The following TNFRSF8 variants were observed in gnomAD, a reference collection of about 807,000 sequenced individuals.
The protein encoded by TNFRSF8 is tumor necrosis factor receptor superfamily member 8.
TNFRSF8 carries 26 observed loss-of-function variants against 70.8 expected under a neutral mutation model. The ratio of observed to expected loss-of-function variants is 0.37; its 90% CI spans 0.27 to 0.51. TNFRSF8 has a LOEUF of 0.51. Ranked by LOEUF, TNFRSF8 falls within the 20% of genes least tolerant of loss-of-function variation. TNFRSF8 has a pLI of 0.94. For synonymous variants in TNFRSF8, 356 were observed against 339.2 expected (o/e 1.05, Z -0.54); for missense variants, 720 against 807.9 (o/e 0.89, Z 1.32).
chr1:12,128,790 C>T (rs560485722), intron 12 of TNFRSF8, among the ~76,000 whole-genome samples: 1 of 151,108 alleles, frequency 6.6e-6, no homozygotes. Context: ...GCCATGTGGC[C>T]CCTGGGGAAA....
At chr1:12,069,982 C>G (rs1640813653) in intron 1 of TNFRSF8, among the ~76,000 whole-genome samples, 1 of 152,124 alleles carries the variant, frequency 6.6e-6, no homozygotes, top group South Asian at 2.1e-4. Flanking sequence ...GCTAGAGGAA[C>G]AGGAAGGAGG....
At chr1:12,086,581 A>C (rs746789308) in intron 2 of TNFRSF8, among the ~76,000 whole-genome samples, 4 of 150,178 alleles carry the variant, frequency 2.7e-5, no homozygotes, top group African/African-American at 4.9e-5. Flanking sequence ...TCTAGCCACT[A>C]TCCATCCATC....
chr1:12,110,252 G>A lies in TNFRSF8; in HGVS notation c.676+48G>A, dbSNP rs1641606400. 1 of 1,521,658 alleles carries A rather than the reference G, an allele frequency of 6.6e-7. No homozygotes were observed. Among genetic ancestry groups the A allele is most frequent in the African/African-American group, 1.4e-5 (1 of 72,424 alleles). The allele number at this position is 1,521,658 out of a possible 1,614,324, so 94.3% of individuals were successfully genotyped here. A position where few individuals can be genotyped will look rare whatever the true frequency, so the allele number is the denominator to read the frequency against. ...GGTCGTCTCCCTGGGGTGCTCGATT[G>A]GTGGATGGCCCATGAGTGGGGGTGT... is the stretch of plus-strand genomic sequence containing the variant. On this transcript the variant is annotated intron_variant, in intron 6 of 14. Coordinates refer to ENST00000263932, the MANE Select transcript of TNFRSF8 (RefSeq NM_001243.5). The surrounding 1 kb of genome is among the most constrained non-coding windows in gnomAD (Gnocchi z 4.0).
chr1:12,083,206 G>T (rs1229700184), intron 1 of TNFRSF8, among the ~76,000 whole-genome samples: 1 of 152,334 alleles, frequency 6.6e-6, no homozygotes, highest in East Asian at 1.9e-4. Context: ...AGACACTGCA[G>T]GGAAGTGCCT....
In TNFRSF8 at chr1:12,084,607, AC is replaced by A. The variant is rs1437234732; in HGVS notation, c.151+59del. 23 of 1,501,836 alleles carry A rather than the reference AC, an allele frequency of 1.5e-5. No homozygotes were observed. The Admixed American group carries it at 2.2e-4, about 15-fold the overall frequency. 93.0% of individuals were successfully genotyped at this position (1,501,836 alleles called of 1,614,324 possible). A position where few individuals can be genotyped will look rare whatever the true frequency, so the allele number is the denominator to read the frequency against. Reference sequence around the variant, plus strand: ...GGGGGAAATTTGTCCTCAATTGATGACCCTCTTGGGGGATTGATGAGTGGGG... The same window carrying A: ...GGGGGAAATTTGTCCTCAATTGATGACCTCTTGGGGGATTGATGAGTGGGG... On this transcript the variant is annotated intron_variant, in intron 2 of 14. Coordinates refer to ENST00000263932, the MANE Select transcript of TNFRSF8 (RefSeq NM_001243.5).
rs1641797385 is a variant in TNFRSF8, at chr1:12,119,868, GT to G, written c.947-3411del. Among the ~76,000 whole-genome samples, 5 of 152,304 alleles carry G rather than the reference GT, an allele frequency of 3.3e-5. No individual in the cohort carries two copies. The East Asian group carries it at 9.7e-4, about 29-fold the overall frequency. On this transcript the variant is annotated intron_variant, in intron 8 of 14. Transcript: ENST00000263932. This position sits in a 1 kb window ranked among gnomAD's most constrained non-coding sequence, Gnocchi z 4.4. ...ATTGTGCTGGTCACATAGTCAGAAT[GT>G]TTTTGAGGACTAGTCAAAGCTGGAT...
At chr1:12,137,078 G>C (rs1362464562) in intron 13 of TNFRSF8, among the ~76,000 whole-genome samples, 5 of 151,978 alleles carry the variant, frequency 3.3e-5, no homozygotes, top group Non-Finnish European at 7.4e-5. Context: ...CTTGAGATTA[G>C]GGAGTGGTGA....
chr1:12,112,038 G>T lies in TNFRSF8; in HGVS notation c.793+24G>T. ...AGGTAAGGGCCTCGTCCCTCCCCGG[G>T]CCTCAGTTTACCTCTCTGCATTTTT... On this transcript the variant is annotated intron_variant, in intron 7 of 14. Coordinates refer to ENST00000263932, the MANE Select transcript of TNFRSF8 (RefSeq NM_001243.5). The surrounding 1 kb of genome is among the most constrained non-coding windows in gnomAD (Gnocchi z 5.3). The T allele has an allele frequency of 6.3e-7, 1 of 1,581,214 alleles. No homozygotes were observed.
chr1:12,109,914 TG>T lies in TNFRSF8; in HGVS notation c.513-124del. ...AGGCCTTGCTCCCAGGAGCTTACAGTGGGCCCGCCAGAGGCAGTGGGCCAAG... is the reference window on the plus strand; with the variant it reads ...AGGCCTTGCTCCCAGGAGCTTACAGTGGCCCGCCAGAGGCAGTGGGCCAAG... On this transcript the variant is annotated intron_variant, in intron 5 of 14. Coordinates refer to ENST00000263932, the MANE Select transcript of TNFRSF8 (RefSeq NM_001243.5). This position sits in a 1 kb window ranked among gnomAD's most constrained non-coding sequence, Gnocchi z 4.4. 1 of 1,218,668 alleles carries T rather than the reference TG, an allele frequency of 8.2e-7. No individual in the cohort carries two copies. The allele number at this position is 1,218,668 out of a possible 1,614,324, so 75.5% of individuals were successfully genotyped here. A position where few individuals can be genotyped will look rare whatever the true frequency, so the allele number is the denominator to read the frequency against.
rs551876559 is a variant in TNFRSF8, at chr1:12,072,668, G to A, written c.63+9007G>A. On this transcript the variant is annotated intron_variant, in intron 1 of 14. Transcript: ENST00000263932. ...TCCAGGGGGCTAAGAACTCCTAGAG[G>A]CGTCGCCCACAGCTTCATTTCAGCC... is the stretch of plus-strand genomic sequence containing the variant. Among the ~76,000 whole-genome samples the A allele has an allele frequency of 7.2e-5, 11 of 152,278 alleles. No homozygotes were observed. The East Asian group carries it at 1.5e-3, about 21-fold the overall frequency.
chr1:12,121,070 T>C (rs766088523), intron 8 of TNFRSF8, among the ~76,000 whole-genome samples: 3 of 152,084 alleles, frequency 2.0e-5, no homozygotes, highest in Non-Finnish European at 2.9e-5. Context: ...AGTTAATGGG[T>C]TTGAGCATCA....
At position 12,141,030 on chromosome 1, in the gene TNFRSF8, C is replaced by G. The variant is rs538606764; in HGVS notation, c.1544-1257C>G. Among the ~76,000 whole-genome samples, 2 of 152,280 alleles carry G rather than the reference C, an allele frequency of 1.3e-5. No individual in the cohort carries two copies. Among genetic ancestry groups the G allele is most frequent in the African/African-American group, 4.8e-5 (2 of 41,546 alleles). On this transcript the variant is annotated intron_variant, in intron 14 of 14. Transcript: ENST00000263932. The surrounding 1 kb of genome is among the most constrained non-coding windows in gnomAD (Gnocchi z 5.4). The stretch of plus-strand genomic sequence containing the variant: ...GGGGGCGCCCAGCCCATAGCCTGTC[C>G]CGCACTCTGGGCCTTCTCCTCTTGC...
intron 4 of TNFRSF8, among the ~76,000 whole-genome samples, chr1:12,107,805 C>T (rs895021686): frequency 4.6e-5 from 7 of 152,164 alleles, no homozygotes; most frequent in African/African-American, 1.4e-4. Context: ...TTTCTGCCTC[C>T]AGTCAGCCAA....
chr1:12,066,693 C>T (rs941402216), intron 1 of TNFRSF8, among the ~76,000 whole-genome samples: 3 of 150,784 alleles, frequency 2.0e-5, no homozygotes, highest in African/African-American at 7.3e-5. Context: ...CACTTTGTCT[C>T]CCAGGCTGGA....
intron 1 of TNFRSF8, among the ~76,000 whole-genome samples, chr1:12,072,326 T>A (rs1396470232): frequency 6.6e-6 from 1 of 152,044 alleles, no homozygotes; most frequent in African/African-American, 2.4e-5. Context: ...TTGCCCTCGA[T>A]GGGGGGCAGT....
In TNFRSF8 at chr1:12,141,251, C is replaced by A. The variant is rs1031083443; in HGVS notation, c.1544-1036C>A. On this transcript the variant is annotated intron_variant, in intron 14 of 14. Coordinates refer to ENST00000263932, the MANE Select transcript of TNFRSF8 (RefSeq NM_001243.5). The surrounding 1 kb of genome is among the most constrained non-coding windows in gnomAD (Gnocchi z 5.4). ...CCCCACCCCAGCTCTCAAGTTCCCT[C>A]TTGAGCTTCCCCATTCTGGCCTCCA... is the stretch of plus-strand genomic sequence containing the variant. Among the ~76,000 whole-genome samples the A allele has an allele frequency of 6.6e-6, 1 of 152,092 alleles. No individual in the cohort carries two copies. Among genetic ancestry groups the A allele is most frequent in the Non-Finnish European group, 1.5e-5 (1 of 68,014 alleles).
intron 2 of TNFRSF8, among the ~76,000 whole-genome samples, chr1:12,094,005 G>C (rs112893026): frequency 1.4e-5 from 2 of 146,614 alleles, no homozygotes; most frequent in African/African-American, 2.5e-5. Flanking sequence ...GTTGCAGTGA[G>C]CTGAGATCCT....
rs1176743788 is a variant in TNFRSF8, at chr1:12,063,978, G to A, written c.63+317G>A. Among the ~76,000 whole-genome samples, 3 of 152,226 alleles carry A rather than the reference G, an allele frequency of 2.0e-5. No individual in the cohort carries two copies. The highest frequency in any genetic ancestry group is 2.9e-5 in the Non-Finnish European group (2 of 68,036). On this transcript the variant is annotated intron_variant, in intron 1 of 14. Transcript: ENST00000263932. This position sits in a 1 kb window ranked among gnomAD's most constrained non-coding sequence, Gnocchi z 7.2. The stretch of plus-strand genomic sequence containing the variant: ...AGCCCGCCTACCTGCGGGCCCGTCG[G>A]GGTCCTGGGCAGATCAGGTGAGGCC...
intron 2 of TNFRSF8, 30 bp from the exon 3 acceptor site, chr1:12,097,071 G>A (rs894301176): frequency 6.3e-7 from 1 of 1,592,572 alleles, no homozygotes; most frequent in Admixed American, 1.7e-5. Flanking sequence ...AAGTCAGCCT[G>A]GCTTGGAGCT....
Sources: gnomAD v4.1 joint callset for allele counts (sites outside exome capture counted in the v4.1 genomes callset) on GRCh38, gnomAD v4.1.1 for gene constraint, Gnocchi (gnomAD v3.1) non-coding constraint, MANE v1.5 for transcripts, NCBI Gene and HGNC (gene_info 2026-07-23, HGNC 2026-07-21) for gene names.